The following CYP2R1 variants were observed in gnomAD, a reference collection of about 807,000 sequenced individuals.
The protein encoded by CYP2R1 is cytochrome P450 family 2 subfamily R member 1.
In CYP2R1, 40 loss-of-function variants were observed where a neutral mutation model predicts 45.7. The ratio of observed to expected loss-of-function variants is 0.87; its 90% CI spans 0.68 to 1.14. The LOEUF (loss-of-function observed/expected upper bound fraction) is 1.14, where lower values mean the gene tolerates loss of function less well. CYP2R1 is among the 50% of genes most tolerant of loss of function. The pLI is 0.00. For missense variants in CYP2R1, 605 were observed against 602.6 expected (o/e 1.00, Z -0.04); for synonymous variants, 234 against 219.3 (o/e 1.07, Z -0.59).
chr11:14,884,369 A>G (rs1167968971), intron 2 of CYP2R1, among the ~76,000 whole-genome samples: 1 of 152,066 alleles, frequency 6.6e-6, no homozygotes, highest in Non-Finnish European at 1.5e-5. Context: ...TAATGAGTTC[A>G]TGTCCTTTGT....
chr11:14,880,378 A>G lies in CYP2R1; in HGVS notation c.758T>C (p.Val253Ala). ...HQQLFRNAAV[V>A]YDFLSRLIEK... ...AATGAGTCTGGAGAGAAAATCATAG[A>G]CTACAGCTGCATTTCTAAACAGCTG... The change falls in exon 3 of 5, where the codon GTC becomes GCC. Residue 253 changes from valine (V) to alanine (A), a missense_variant. Transcript: ENST00000334636. 6.2e-7 allele frequency: 1 copy of G among 1,613,426 alleles called. No homozygotes were observed. Among genetic ancestry groups the G allele is most frequent in the Non-Finnish European group, 8.5e-7 (1 of 1,179,648 alleles).
intron 1 of CYP2R1, chr11:14,890,813 G>A: frequency 2.1e-6 from 2 of 959,422 alleles, no homozygotes; most frequent in Non-Finnish European, 2.5e-6. Flanking sequence ...CTCCTAAAGT[G>A]CTGGGATTAT....
At chr11:14,891,650 G>C (rs1006961320) in intron 1 of CYP2R1, 3 of 1,154,678 alleles carry the variant, frequency 2.6e-6, no homozygotes, top group South Asian at 2.2e-5. Context: ...GTCCACCCTG[G>C]ACCTGAAGTG....
chr11:14,889,080 C>T (rs188437219), intron 1 of CYP2R1, among the ~76,000 whole-genome samples: 25 of 151,752 alleles, frequency 1.6e-4, no homozygotes, highest in African/African-American at 6.0e-4. Context: ...TTTCAAGAAT[C>T]ACAAAGCAGA....
intron 1 of CYP2R1, chr11:14,886,814 A>C (rs1210706948): frequency 3.3e-5 from 5 of 152,316 alleles, no homozygotes; most frequent in African/African-American, 1.2e-4. Context: ...CATGGTACAC[A>C]CTACTTCAGA....
Position 14,891,984 on chromosome 11 carries a change from T to C in CYP2R1, c.222A>G (p.Gly74=). 6.2e-7 allele frequency: 1 copy of C among 1,613,120 alleles called. No individual in the cohort carries two copies. Among genetic ancestry groups the C allele is most frequent in the Non-Finnish European group, 8.5e-7 (1 of 1,179,700 alleles). ...VYMRKQSQVY[G]EIFSLDLGGI... is the part of the protein sequence containing the mutation. ...CCGGGGCCCGTCGGGGCTGTACCTC[T>C]CCGTACACCTGGCTCTGCTTTCTCA... The change falls in exon 1 of 5, where the codon GGA becomes GGG. Residue 74 remains glycine, a synonymous_variant. Coordinates refer to ENST00000334636, the MANE Select transcript of CYP2R1 (RefSeq NM_024514.5).
rs1744890365 is a variant in CYP2R1 at position 14,892,072 on chromosome 11, C to T, written c.134G>A (p.Gly45Glu). The change falls in exon 1 of 5, where the codon GGG (glycine) becomes GAG (glutamate). Residue 45 changes from glycine (G) to glutamate (E), a missense_variant. By Grantham distance (98) the Gly-to-Glu change is moderately conservative. Coordinates refer to ENST00000334636, the MANE Select transcript of CYP2R1 (RefSeq NM_024514.5). ...RPMGFPPGPP[G>E]LPFIGNIYSL... ...ATAGATGTTGCCGATAAATGGCAGC[C>T]CCGGCGGCCCCGGGGGGAAGCCCAT... is the stretch of plus-strand genomic sequence containing the variant. 6.2e-7 allele frequency: 1 copy of T among 1,611,924 alleles called. No individual in the cohort carries two copies. The highest frequency in any genetic ancestry group is 1.1e-5 in the South Asian group (1 of 91,056).
At chr11:14,884,911 T>C (rs949143925) in intron 2 of CYP2R1, among the ~76,000 whole-genome samples, 3 of 151,838 alleles carry the variant, frequency 2.0e-5, no homozygotes, top group African/African-American at 7.3e-5. Flanking sequence ...TTTGGTCTAA[T>C]TGTTTGTTTT....
chr11:14,889,386 T>C (rs1324455683), intron 1 of CYP2R1, among the ~76,000 whole-genome samples: 4 of 152,222 alleles, frequency 2.6e-5, no homozygotes, highest in African/African-American at 9.6e-5. Flanking sequence ...GGGAGATCTT[T>C]AGAGATGTTT....
chr11:14,888,576 G>A (rs1422588166), intron 1 of CYP2R1, among the ~76,000 whole-genome samples: 1 of 152,020 alleles, frequency 6.6e-6, no homozygotes, highest in African/African-American at 2.4e-5. Flanking sequence ...CCTTTCTTGG[G>A]GCACTCTTTT....
rs1848340035 is a variant in CYP2R1, at chr11:14,880,568, T to C, written c.568A>G (p.Ile190Val). 1.2e-6 allele frequency: 2 copies of C among 1,613,440 alleles called. No homozygotes were observed. Among genetic ancestry groups the C allele is most frequent in the Non-Finnish European group, 1.7e-6 (2 of 1,179,628 alleles). Reference sequence around the variant, plus strand: ...TCTCCAAAAATGATCAGATTGGTTATGTTTGAAACAGCATTCGTTATTAAC... The same window carrying C: ...TCTCCAAAAATGATCAGATTGGTTACGTTTGAAACAGCATTCGTTATTAAC... ...KQLITNAVSN[I>V]TNLIIFGERF... is the part of the protein sequence containing the mutation. The change falls in exon 3 of 5, where the codon ATA becomes GTA. Residue 190 changes from isoleucine (I) to valine (V), a missense_variant. Physicochemically the swap from Ile to Val is conservative, Grantham distance 29 (BLOSUM62 3). Transcript: ENST00000334636.
At chr11:14,884,769 T>C (rs1848545793) in intron 2 of CYP2R1, among the ~76,000 whole-genome samples, 1 of 152,070 alleles carries the variant, frequency 6.6e-6, no homozygotes, top group African/African-American at 2.4e-5. Context: ...GTTGAATGCT[T>C]TATGATAAAA....
chr11:14,880,584 C>T lies in CYP2R1; in HGVS notation c.552G>A (p.Thr184=), dbSNP rs572331793. Residue 184 remains threonine, a synonymous_variant, in exon 3 of 5, where the codon ACG becomes ACA. Coordinates refer to ENST00000334636, the MANE Select transcript of CYP2R1 (RefSeq NM_024514.5). ...GRPFDFKQLI[T]NAVSNITNLI... ...GATTGGTTATGTTTGAAACAGCATT[C>T]GTTATTAACTGTTTAAAGTCAAAAG... 2.5e-5 allele frequency: 40 copies of T among 1,613,082 alleles called. No individual in the cohort carries two copies. In the East Asian group the frequency reaches 4.7e-4, roughly 19 times the overall value.
chr11:14,890,826 G>A, intron 1 of CYP2R1: 5 of 979,018 alleles, frequency 5.1e-6, no homozygotes, highest in Non-Finnish European at 6.1e-6. Context: ...GGGATTATAG[G>A]CGTGAGCCAC....
rs368489657 is a variant in CYP2R1 at position 14,890,887 on chromosome 11, T to C, written c.225+1094A>G. The C allele has an allele frequency of 7.7e-4, 756 of 985,344 alleles. 7 individuals carry two copies. In the African/African-American group the frequency reaches 0.013, roughly 16 times the overall value. The allele number at this position is 985,344 out of a possible 1,614,324, so 61.0% of individuals were successfully genotyped here. A position where few individuals can be genotyped will look rare whatever the true frequency, so the allele number is the denominator to read the frequency against. On this transcript the variant is annotated intron_variant, in intron 1 of 4. Coordinates refer to ENST00000334636, the MANE Select transcript of CYP2R1 (RefSeq NM_024514.5). ...TTGTAAAAATTGGTTTAAGTAAGGA[T>C]TTAAGGTCAAACCTGAAATACCACA... is the stretch of plus-strand genomic sequence containing the variant.
intron 2 of CYP2R1, 92 bp from the exon 3 acceptor site, chr11:14,880,860 A>C: frequency 8.2e-7 from 1 of 1,224,782 alleles, no homozygotes; most frequent in Non-Finnish European, 1.1e-6. Flanking sequence ...ATGGTTAGTC[A>C]TCCTTCTCCA....
chr11:14,878,339 A>G (rs782411780), intron 4 of CYP2R1, 42 bp from the exon 5 acceptor site: 2 of 1,580,746 alleles, frequency 1.3e-6, no homozygotes, highest in Non-Finnish European at 1.7e-6. Flanking sequence ...TAAACCCACA[A>G]TCTTTACCAA....
rs782258655 is a variant in CYP2R1 at position 14,880,360 on chromosome 11, C to T, written c.776G>A (p.Arg259Lys). 1.2e-6 allele frequency: 2 copies of T among 1,613,310 alleles called. No homozygotes were observed. Among genetic ancestry groups the T allele is most frequent in the South Asian group, 2.2e-5 (2 of 91,034 alleles). The part of the protein sequence containing the change: ...NAAVVYDFLS[R>K]LIEKASVNRK... The stretch of plus-strand genomic sequence containing the variant: ...GTTGACTGAAGCTTTTTCAATGAGT[C>T]TGGAGAGAAAATCATAGACTACAGC... Residue 259 changes from arginine to lysine, a missense_variant, in exon 3 of 5, where the codon AGA becomes AAA. Transcript: ENST00000334636.
chr11:14,883,534 C>G lies in CYP2R1; in HGVS notation c.367+2242G>C, dbSNP rs1320716091. Among the ~76,000 whole-genome samples the G allele has an allele frequency of 1.7e-4, 25 of 151,450 alleles. No homozygotes were observed. In the South Asian group the frequency reaches 3.9e-3, roughly 24 times the overall value. On this transcript the variant is annotated intron_variant, in intron 2 of 4. Transcript: ENST00000334636. ...CTTACACCTTATACAAAAATTAATT[C>G]AAGATGGATTAAAGACTTAAACGTT...
Sources: gnomAD v4.1 joint callset for allele counts (sites outside exome capture counted in the v4.1 genomes callset) on GRCh38, gnomAD v4.1.1 for gene constraint, MANE v1.5 for transcripts, NCBI Gene and HGNC (gene_info 2026-07-23, HGNC 2026-07-21) for gene names.